The following ADAMTS12 variants were observed in gnomAD, a reference collection of about 807,000 sequenced individuals.
ADAMTS12 encodes A disintegrin and metalloproteinase with thrombospondin motifs 12.
ADAMTS12 carries 118 observed loss-of-function variants against 167.8 expected under a neutral mutation model. The ratio of observed to expected loss-of-function variants is 0.70; its 90% confidence interval spans 0.61 to 0.82. ADAMTS12 has a LOEUF of 0.82. ADAMTS12 is among the 40% of genes least tolerant of loss of function. The pLI is 0.00. For missense variants in ADAMTS12, 1,916 were observed against 1,998.8 expected, an observed-to-expected ratio of 0.96 and a Z score of 0.79; for synonymous variants, 704 against 716.9, an observed-to-expected ratio of 0.98 and a Z score of 0.29.
At chr5:33,875,997 A>C (rs547602736) in intron 2 of ADAMTS12, among the ~76,000 whole-genome samples, 3 of 152,232 alleles carry the variant, frequency 2.0e-5, no homozygotes, top group Non-Finnish European at 4.4e-5. Context: ...ACAAAAATTA[A>C]TTATGTGTTT....
chr5:33,787,920 T>G (rs1350788831), intron 2 of ADAMTS12, among the ~76,000 whole-genome samples: 2 of 152,234 alleles, frequency 1.3e-5, no homozygotes, highest in Non-Finnish European at 2.9e-5. Flanking sequence ...GGGAATGTTC[T>G]GGGTGCCAGA....
intron 2 of ADAMTS12, among the ~76,000 whole-genome samples, chr5:33,770,019 T>C (rs1457448051): frequency 1.3e-5 from 2 of 152,184 alleles, no homozygotes; most frequent in Non-Finnish European, 2.9e-5. Flanking sequence ...ATGAATGATT[T>C]TCTTTTGAAA....
intron 16 of ADAMTS12, among the ~76,000 whole-genome samples, chr5:33,609,975 C>T (rs13175788): frequency 0.84 from 128,047 of 151,856 alleles, 54,158 homozygotes; most frequent in Middle Eastern, 0.91. Flanking sequence ...AGGTCAGGAG[C>T]TCGAGACCCG....
At chr5:33,560,967 C>A in intron 20 of ADAMTS12, 60 bp downstream of exon 20, 1 of 1,579,288 alleles carries the variant, frequency 6.3e-7, no homozygotes, top group Non-Finnish European at 8.6e-7. Flanking sequence ...TATAAGATTC[C>A]CTTTCCAACC....
At chr5:33,813,964 GCTTT>G (rs1747555130) in intron 2 of ADAMTS12, among the ~76,000 whole-genome samples, 1 of 152,176 alleles carries the variant, frequency 6.6e-6, no homozygotes. Context: ...AGTAAAAATA[GCTTT>G]CTGTCTTTTC....
intron 2 of ADAMTS12, among the ~76,000 whole-genome samples, chr5:33,869,595 T>G (rs1475642116): frequency 1.3e-5 from 2 of 152,014 alleles, no homozygotes; most frequent in South Asian, 4.1e-4. Context: ...GCAAAACCAG[T>G]AAGTTTTTAT....
intron 2 of ADAMTS12, among the ~76,000 whole-genome samples, chr5:33,850,665 G>A (rs1749189637): frequency 1.3e-5 from 2 of 152,136 alleles, no homozygotes; most frequent in African/African-American, 2.4e-5. Flanking sequence ...TGGATGACCT[G>A]GGCTAGGATA....
chr5:33,779,905 T>TA (rs1746058505), intron 2 of ADAMTS12, among the ~76,000 whole-genome samples: 1 of 152,192 alleles, frequency 6.6e-6, no homozygotes, highest in African/African-American at 2.4e-5. Flanking sequence ...TGACTATAGT[T>TA]AATAATAACT....
chr5:33,684,131 C>A, intron 3 of ADAMTS12, 76 bp from the exon 4 acceptor site: 1 of 1,111,230 alleles, frequency 9.0e-7, no homozygotes, highest in Non-Finnish European at 1.2e-6. Context: ...AGTAAAGATG[C>A]AAGGCCATAA....
chr5:33,774,781 C>T (rs1398000625), intron 2 of ADAMTS12, among the ~76,000 whole-genome samples: 7 of 152,176 alleles, frequency 4.6e-5, no homozygotes, highest in African/African-American at 1.7e-4. Flanking sequence ...CTTTCATTAA[C>T]TGTTACTCAT....
intron 12 of ADAMTS12, among the ~76,000 whole-genome samples, chr5:33,632,956 T>C (rs797008733): frequency 6.6e-6 from 1 of 152,046 alleles, no homozygotes; most frequent in African/African-American, 2.4e-5. Context: ...CGCATTTACA[T>C]AATGGACTGC....
chr5:33,620,465 A>G (rs1470439788), intron 14 of ADAMTS12, among the ~76,000 whole-genome samples: 2 of 152,234 alleles, frequency 1.3e-5, no homozygotes, highest in African/African-American at 4.8e-5. Context: ...CAGCGTTTTA[A>G]ACAGATATTT....
intron 3 of ADAMTS12, among the ~76,000 whole-genome samples, chr5:33,737,567 T>C (rs1317700618): frequency 7.2e-5 from 11 of 152,208 alleles, no homozygotes; most frequent in Non-Finnish European, 1.2e-4. Context: ...GTAAATGTTG[T>C]GTTATATGTA....
rs1750878125 is a variant in ADAMTS12 at position 33,891,975 on chromosome 5, CA to C, written c.-120del. The stretch of plus-strand genomic sequence containing the variant: ...GGGTGCATGGTCAGGCGCGAGAAGG[CA>C]GCGACTGCAAAGCTGCCCGCGATCT... On this transcript the variant is annotated 5_prime_UTR_variant, in exon 1 of 24. Coordinates refer to ENST00000504830, the MANE Select transcript of ADAMTS12 (RefSeq NM_030955.4). 7.6e-7 allele frequency: 1 copy of C among 1,322,800 alleles called. No individual in the cohort carries two copies. The highest frequency in any genetic ancestry group is 1.5e-5 in the African/African-American group (1 of 67,214). The allele number at this position is 1,322,800 out of a possible 1,614,324, so 81.9% of individuals were successfully genotyped here.
chr5:33,613,311 C>A (rs1031641128), intron 16 of ADAMTS12, among the ~76,000 whole-genome samples: 1 of 152,170 alleles, frequency 6.6e-6, no homozygotes, highest in Admixed American at 6.5e-5. Context: ...TGATATAGCC[C>A]CAAGTATTCA....
chr5:33,697,503 G>A (rs1742825434), intron 3 of ADAMTS12, among the ~76,000 whole-genome samples: 1 of 152,144 alleles, frequency 6.6e-6, no homozygotes, highest in African/African-American at 2.4e-5. Flanking sequence ...ATATGATGAG[G>A]TTTCTCTTCA....
In ADAMTS12 at chr5:33,761,963, C is replaced by T. The variant is rs150008537; in HGVS notation, c.490-10415G>A. Among the ~76,000 whole-genome samples, 68 of 152,238 alleles carry T rather than the reference C, an allele frequency of 4.5e-4. 1 individual carries two copies. Among genetic ancestry groups the T allele is most frequent in the African/African-American group, 1.4e-3 (59 of 41,556 alleles). ...ATCCCAGCACTTTGGGAGGCACAGGCGGGTGGATCACCTGAGGTCACGAGT... is the reference window on the plus strand; with the variant it reads ...ATCCCAGCACTTTGGGAGGCACAGGTGGGTGGATCACCTGAGGTCACGAGT... On this transcript the variant is annotated intron_variant, in intron 2 of 23. Coordinates refer to ENST00000504830, the MANE Select transcript of ADAMTS12 (RefSeq NM_030955.4).
chr5:33,573,507 A>G lies in ADAMTS12; in HGVS notation c.3972+2547T>C, dbSNP rs1579686882. The stretch of plus-strand genomic sequence containing the variant: ...AAAAACAAGCAGGAAAGGATTCCCT[A>G]TTTAATAAATGGTGCTGGGAAAACT... On this transcript the variant is annotated intron_variant, in intron 19 of 23. Coordinates refer to ENST00000504830, the MANE Select transcript of ADAMTS12 (RefSeq NM_030955.4). Among the ~76,000 whole-genome samples the G allele has an allele frequency of 3.3e-5, 5 of 152,358 alleles. No homozygotes were observed. The East Asian group carries it at 5.8e-4, about 18-fold the overall frequency.
At chr5:33,852,202 A>C (rs2111652766) in intron 2 of ADAMTS12, among the ~76,000 whole-genome samples, 1 of 152,324 alleles carries the variant, frequency 6.6e-6, no homozygotes, top group Admixed American at 6.5e-5. Flanking sequence ...CAGTTTGGTA[A>C]ACAGAAAAAA....
Sources: allele counts gnomAD v4.1 joint callset (sites outside exome capture counted in the v4.1 genomes callset), GRCh38; gene constraint gnomAD v4.1.1; transcripts MANE v1.5; gene names NCBI Gene and HGNC (gene_info 2026-07-23, HGNC 2026-07-21).